The following ZNF626 variants were observed in gnomAD, a reference collection of about 807,000 sequenced individuals.
The protein encoded by ZNF626 is CTC-513N18.7.
ZNF626 carries 4 observed loss-of-function variants against 11.7 expected under a neutral mutation model. The observed-to-expected ratio is 0.34, with a 90% confidence interval of 0.17 to 0.78. The LOEUF (loss-of-function observed/expected upper bound fraction) is 0.78, where lower values mean the gene tolerates loss of function less well. ZNF626 is among the 30% of genes least tolerant of loss of function. The pLI is 0.57. For synonymous variants in ZNF626, 179 were observed against 198.6 expected, an observed-to-expected ratio of 0.90 and a Z score of 0.83; for missense variants, 588 against 587.1, an observed-to-expected ratio of 1.00 and a Z score of -0.01.
chr19:20,657,488 A>G (rs577481548), intron 1 of ZNF626, among the ~76,000 whole-genome samples: 2 of 152,252 alleles, frequency 1.3e-5, no homozygotes, highest in East Asian at 3.9e-4. Flanking sequence ...AACACTGATG[A>G]AGCTGGAGAC....
rs782173227 is a variant in ZNF626 at position 20,625,705 on chromosome 19, A to AAT, written c.227-57_227-56dup. 7 of 1,479,520 alleles carry AAT rather than the reference A, an allele frequency of 4.7e-6. No homozygotes were observed. The East Asian group carries it at 1.6e-4, about 34-fold the overall frequency. The allele number at this position is 1,479,520 out of a possible 1,614,324, so 91.6% of individuals were successfully genotyped here. On this transcript the variant is annotated intron_variant, in intron 3 of 3. Transcript: ENST00000601440. ...CAATTGGTAGACTCAGATAAATATA[A>AAT]ATATATATATGCAGTTTGTATAGTT...
At chr19:20,642,325 C>T (rs548107552) in intron 3 of ZNF626, among the ~76,000 whole-genome samples, 2 of 152,268 alleles carry the variant, frequency 1.3e-5, no homozygotes, top group South Asian at 2.1e-4. Context: ...TGAGACCAGG[C>T]GCAGTGGCTC....
intron 3 of ZNF626, among the ~76,000 whole-genome samples, chr19:20,632,754 T>C (rs1483696168): frequency 6.6e-6 from 1 of 152,162 alleles, no homozygotes. Context: ...TAGCTTGGAA[T>C]AGTTTGATCA....
At chr19:20,626,903 T>C (rs1245014935) in intron 3 of ZNF626, among the ~76,000 whole-genome samples, 2 of 152,004 alleles carry the variant, frequency 1.3e-5, no homozygotes, top group African/African-American at 2.4e-5. Context: ...TAACCCCAGC[T>C]ACTTGGGAGA....
rs1376155474 is a variant in ZNF626, at chr19:20,622,606, T to C, written c.*1684A>G. The C allele has an allele frequency of 1.3e-5, 2 of 152,054 alleles. No individual in the cohort carries two copies. Among genetic ancestry groups the C allele is most frequent in the Admixed American group, 1.3e-4 (2 of 15,264 alleles). 9.4% of individuals were successfully genotyped at this position (152,054 alleles called of 1,614,324 possible). A position where few individuals can be genotyped will look rare whatever the true frequency, so the allele number is the denominator to read the frequency against. On this transcript the variant is annotated 3_prime_UTR_variant, in exon 4 of 4. Coordinates refer to ENST00000601440, the MANE Select transcript of ZNF626 (RefSeq NM_001076675.3). Reference sequence around the variant, plus strand: ...TTACATCATTCACTTTTCAAAAAAATTGTTTTCAAGGAAACAAATATACTT... The same window carrying C: ...TTACATCATTCACTTTTCAAAAAAACTGTTTTCAAGGAAACAAATATACTT...
At chr19:20,625,995 A>G (rs1386527444) in intron 3 of ZNF626, among the ~76,000 whole-genome samples, 3 of 152,194 alleles carry the variant, frequency 2.0e-5, no homozygotes, top group Non-Finnish European at 2.9e-5. Context: ...GGCTGGGGTG[A>G]CACACGCCTG....
chr19:20,633,114 G>A (rs561456725), intron 3 of ZNF626, among the ~76,000 whole-genome samples: 2 of 152,114 alleles, frequency 1.3e-5, no homozygotes, highest in African/African-American at 2.4e-5. Context: ...TTGCTGAACC[G>A]CAGATACTGC....
At position 20,629,034 on chromosome 19, in the gene ZNF626, T is replaced by A. The variant is rs1217833791; in HGVS notation, c.227-3384A>T. The stretch of plus-strand genomic sequence containing the variant: ...AGTTTTCCCAGCACCATTTATTAAA[T>A]AGGGAATCCTTTCCCCATTGCTTGT... On this transcript the variant is annotated intron_variant, in intron 3 of 3. Transcript: ENST00000601440. Among the ~76,000 whole-genome samples, 4 of 152,322 alleles carry A rather than the reference T, an allele frequency of 2.6e-5. No individual in the cohort carries two copies. In the East Asian group the frequency reaches 7.7e-4, roughly 29 times the overall value.
At chr19:20,635,404 C>A (rs1407405585) in intron 3 of ZNF626, among the ~76,000 whole-genome samples, 1 of 152,190 alleles carries the variant, frequency 6.6e-6, no homozygotes, top group African/African-American at 2.4e-5. Flanking sequence ...CTCACTGCAA[C>A]CTCCGCCTCC....
At position 20,622,662 on chromosome 19, in the gene ZNF626, C is replaced by T. The variant is rs1208152890; in HGVS notation, c.*1628G>A. 6.6e-6 allele frequency: 1 copy of T among 152,086 alleles called. No homozygotes were observed. Among genetic ancestry groups the T allele is most frequent in the Non-Finnish European group, 1.5e-5 (1 of 68,010 alleles). 9.4% of individuals were successfully genotyped at this position (152,086 alleles called of 1,614,324 possible). The stretch of plus-strand genomic sequence containing the variant: ...GTAAATACAAAGCTTCAAAAAATCT[C>T]CTTTTAAAGTTATATACTAATTTAT... On this transcript the variant is annotated 3_prime_UTR_variant, in exon 4 of 4. Transcript: ENST00000601440.
At position 20,620,474 on chromosome 19, in the gene ZNF626, T is replaced by A. The variant is rs574438240; in HGVS notation, c.*3816A>T. ...TCACTCTATGAAAATTAAAAGTCTT[T>A]ACGTTTGCAGGCAGAGTGACCACAT... On this transcript the variant is annotated 3_prime_UTR_variant, in exon 4 of 4. Transcript: ENST00000601440. 6.6e-6 allele frequency: 1 copy of A among 152,238 alleles called. No individual in the cohort carries two copies. Among genetic ancestry groups the A allele is most frequent in the Non-Finnish European group, 1.5e-5 (1 of 68,048 alleles). 9.4% of individuals were successfully genotyped at this position (152,238 alleles called of 1,614,324 possible). A position where few individuals can be genotyped will look rare whatever the true frequency, so the allele number is the denominator to read the frequency against.
intron 3 of ZNF626, among the ~76,000 whole-genome samples, chr19:20,639,716 G>A (rs1466097479): frequency 6.6e-6 from 1 of 152,162 alleles, no homozygotes; most frequent in Admixed American, 6.5e-5. Context: ...CACACGAGGT[G>A]ACAGTAAAAT....
rs1454315905 is a variant in ZNF626, at chr19:20,622,405, C to G, written c.*1885G>C. The stretch of plus-strand genomic sequence containing the variant: ...TTAATATAGGTTAACTACAATGAGC[C>G]TCTCCACTTATATTTTCGTCATGCA... On this transcript the variant is annotated 3_prime_UTR_variant, in exon 4 of 4. Transcript: ENST00000601440. The G allele has an allele frequency of 6.6e-6, 1 of 152,072 alleles. No homozygotes were observed. Among genetic ancestry groups the G allele is most frequent in the Non-Finnish European group, 1.5e-5 (1 of 68,020 alleles). 9.4% of individuals were successfully genotyped at this position (152,072 alleles called of 1,614,324 possible).
intron 3 of ZNF626, among the ~76,000 whole-genome samples, chr19:20,644,344 A>C (rs1223822928): frequency 6.6e-6 from 1 of 152,236 alleles, no homozygotes; most frequent in Non-Finnish European, 1.5e-5. Flanking sequence ...CCTACAGAGC[A>C]AAGTCCCGAA....
At chr19:20,651,351 T>A (rs1399840933) in intron 1 of ZNF626, among the ~76,000 whole-genome samples, 2 of 151,562 alleles carry the variant, frequency 1.3e-5, no homozygotes, top group African/African-American at 2.4e-5. Flanking sequence ...TTCAAGTATT[T>A]ATCTAGTTGC....
chr19:20,643,701 A>G lies in ZNF626; in HGVS notation c.226+1983T>C, dbSNP rs1382332310. ...CCCTGACCAAAAATGACTTTATGAGACAACCAGGCATTATGGTTCACATCT... is the reference window on the plus strand; with the variant it reads ...CCCTGACCAAAAATGACTTTATGAGGCAACCAGGCATTATGGTTCACATCT... On this transcript the variant is annotated intron_variant, in intron 3 of 3. Transcript: ENST00000601440. Among the ~76,000 whole-genome samples the G allele has an allele frequency of 2.4e-4, 37 of 152,318 alleles. 1 individual carries two copies. Among genetic ancestry groups the G allele is most frequent in the Middle Eastern group, 3.4e-3 (1 of 294 alleles).
At chr19:20,640,792 A>G (rs1970016337) in intron 3 of ZNF626, among the ~76,000 whole-genome samples, 7 of 152,114 alleles carry the variant, frequency 4.6e-5, no homozygotes, top group Admixed American at 4.6e-4. Context: ...GTGGATAACA[A>G]AGGTGCAGTC....
rs1260642139 is a variant in ZNF626 at position 20,625,401 on chromosome 19, T to C, written c.476A>G (p.Asn159Ser). ...ATGTCCTCTCTTTTGTCCGTTTGAA[T>C]TTGGAAATTGATGAAGGACTTTCAC... ...KYVKVLHQFPNSNGQKRGHTG... is the reference protein window; with the variant it reads ...KYVKVLHQFPSSNGQKRGHTG... Residue 159 changes from asparagine (N) to serine (S), a missense_variant, in exon 4 of 4, where the codon AAT becomes AGT. Physicochemically the swap from Asn to Ser is conservative, Grantham distance 46. This residue lies in a region of ZNF626 where 524 missense variants were observed against 470.1 expected (regional missense o/e 1.11). Coordinates refer to ENST00000601440, the MANE Select transcript of ZNF626 (RefSeq NM_001076675.3). 12 of 1,613,984 alleles carry C rather than the reference T, an allele frequency of 7.4e-6. No individual in the cohort carries two copies. The highest frequency in any genetic ancestry group is 9.3e-6 in the Non-Finnish European group (11 of 1,180,016).
At chr19:20,626,250 A>G (rs970560883) in intron 3 of ZNF626, among the ~76,000 whole-genome samples, 1 of 152,170 alleles carries the variant, frequency 6.6e-6, no homozygotes, top group Non-Finnish European at 1.5e-5. Context: ...TTGATTTCAG[A>G]CTATGCCAGG....
Sources: allele counts gnomAD v4.1 joint callset (sites outside exome capture counted in the v4.1 genomes callset), GRCh38; gene constraint gnomAD v4.1.1; regional missense constraint gnomAD v4.1.1; transcripts MANE v1.5; gene names NCBI Gene and HGNC (gene_info 2026-07-23, HGNC 2026-07-21).